TTC28: variants seen among roughly 807,000 people sequenced by gnomAD.
The protein encoded by TTC28 is tetratricopeptide repeat protein 28.
In TTC28, 61 loss-of-function variants were observed where a neutral mutation model predicts 198.0. That is an observed-to-expected ratio of 0.31 (90% confidence interval 0.25 to 0.38). The LOEUF (loss-of-function observed/expected upper bound fraction) is 0.38. TTC28 is among the 10% of genes least tolerant of loss of function. The pLI is 1.00. For missense variants in TTC28, 2,678 were observed against 3,164.0 expected (o/e 0.85, Z 3.69); for synonymous variants, 1,171 against 1,297.8 (o/e 0.90, Z 2.10).
intron 5 of TTC28, among the ~76,000 whole-genome samples, chr22:28,189,562 GA>G (rs897338070): frequency 3.0e-4 from 41 of 137,278 alleles, no homozygotes; most frequent in South Asian, 1.4e-3. Flanking sequence ...TCTACGCAAT[GA>G]AAAAAAAAAA....
At chr22:28,165,730 A>C (rs1921854911) in intron 5 of TTC28, among the ~76,000 whole-genome samples, 1 of 152,234 alleles carries the variant, frequency 6.6e-6, no homozygotes, top group African/African-American at 2.4e-5. Flanking sequence ...AAACATGCCA[A>C]ATTGCAAAGA....
At chr22:28,582,771 T>C (rs934062681) in intron 2 of TTC28, among the ~76,000 whole-genome samples, 4 of 152,324 alleles carry the variant, frequency 2.6e-5, no homozygotes, top group Admixed American at 1.3e-4. Context: ...AAAATACTTA[T>C]GTGGTCAAGT....
Position 28,673,329 on chromosome 22 carries a change from G to A in TTC28, c.102+6293C>T, listed in dbSNP as rs554561377. On this transcript the variant is annotated intron_variant, in intron 1 of 22. Transcript: ENST00000397906. The stretch of plus-strand genomic sequence containing the variant: ...GCGGAGCTTGCAGTGAGCAGAGATC[G>A]CGCCACTGCACTCCAGCCTGGGCGA... Among the ~76,000 whole-genome samples, 161 of 152,172 alleles carry A rather than the reference G, an allele frequency of 1.1e-3. 1 individual carries two copies. Among genetic ancestry groups the A allele is most frequent in the South Asian group, 1.9e-3 (9 of 4,826 alleles).
intron 1 of TTC28, among the ~76,000 whole-genome samples, chr22:28,676,881 C>T (rs1360817399): frequency 6.6e-6 from 1 of 151,900 alleles, no homozygotes; most frequent in African/African-American, 2.4e-5. Flanking sequence ...TTAGGCCAGG[C>T]GCAGTGGCTC....
At chr22:28,008,976 A>G (rs17483415) in intron 14 of TTC28, among the ~76,000 whole-genome samples, 10,848 of 152,294 alleles carry the variant, frequency 0.071, 488 homozygotes, top group Admixed American at 0.14. Flanking sequence ...ATTTGATTAA[A>G]AACTAATACC....
At chr22:28,263,493 AC>A (rs1931469150) in intron 5 of TTC28, among the ~76,000 whole-genome samples, 1 of 152,174 alleles carries the variant, frequency 6.6e-6, no homozygotes, top group Non-Finnish European at 1.5e-5. Context: ...TTAATTATAA[AC>A]ATTCAATCCT....
At chr22:28,615,350 T>C (rs1281502554) in intron 2 of TTC28, among the ~76,000 whole-genome samples, 5 of 152,228 alleles carry the variant, frequency 3.3e-5, no homozygotes, top group African/African-American at 1.2e-4. Context: ...ACACTGTTGG[T>C]GGGCTGTAAA....
chr22:28,441,023 C>T (rs2047612986), intron 2 of TTC28, among the ~76,000 whole-genome samples: 1 of 152,164 alleles, frequency 6.6e-6, no homozygotes, highest in African/African-American at 2.4e-5. Flanking sequence ...ATTATGAATA[C>T]AGTGAATAAA....
intron 1 of TTC28, among the ~76,000 whole-genome samples, chr22:28,647,647 G>A (rs1239300643): frequency 6.6e-6 from 1 of 151,788 alleles, no homozygotes; most frequent in Non-Finnish European, 1.5e-5. Context: ...AGACCATCCT[G>A]GCCAACACGG....
chr22:28,320,038 G>GT (rs2045419646), intron 2 of TTC28, among the ~76,000 whole-genome samples: 1 of 152,110 alleles, frequency 6.6e-6, no homozygotes, highest in Non-Finnish European at 1.5e-5. Flanking sequence ...TAATTCCCAT[G>GT]TTTTTGCTTC....
intron 2 of TTC28, among the ~76,000 whole-genome samples, chr22:28,429,220 G>A (rs947426275): frequency 6.6e-6 from 1 of 152,098 alleles, no homozygotes; most frequent in Non-Finnish European, 1.5e-5. Context: ...AACAGCTCTC[G>A]AGTCACTTGC....
chr22:28,676,984 A>G (rs1398819458), intron 1 of TTC28, among the ~76,000 whole-genome samples: 1 of 151,480 alleles, frequency 6.6e-6, no homozygotes, highest in Non-Finnish European at 1.5e-5. Context: ...GTGAAACCCC[A>G]TCTCTACTAA....
chr22:28,225,524 C>T (rs1601501728), intron 5 of TTC28, among the ~76,000 whole-genome samples: 1 of 152,186 alleles, frequency 6.6e-6, no homozygotes, highest in East Asian at 1.9e-4. Flanking sequence ...ACTTTTCTGC[C>T]ACGGACAAAC....
At chr22:28,062,857 A>G (rs1192058341) in intron 12 of TTC28, among the ~76,000 whole-genome samples, 3 of 152,118 alleles carry the variant, frequency 2.0e-5, no homozygotes, top group African/African-American at 7.2e-5. Flanking sequence ...TAATTGCTTT[A>G]ATATTTTTGT....
intron 2 of TTC28, among the ~76,000 whole-genome samples, chr22:28,443,541 T>C (rs1303913226): frequency 6.6e-6 from 1 of 151,998 alleles, no homozygotes; most frequent in Non-Finnish European, 1.5e-5. Flanking sequence ...ACACTGTAAA[T>C]AGGAAAACTT....
chr22:28,142,985 TCAA>T (rs1943377337), intron 6 of TTC28, among the ~76,000 whole-genome samples: 1 of 152,188 alleles, frequency 6.6e-6, no homozygotes, highest in Non-Finnish European at 1.5e-5. Context: ...GAAATGTCCT[TCAA>T]CAACAGCACT....
At chr22:28,263,475 T>C (rs896323332) in intron 5 of TTC28, among the ~76,000 whole-genome samples, 2 of 152,170 alleles carry the variant, frequency 1.3e-5, no homozygotes, top group East Asian at 3.9e-4. Context: ...AGTACATTAT[T>C]GCTTTCTTTA....
At chr22:28,249,265 G>C (rs1475564504) in intron 5 of TTC28, among the ~76,000 whole-genome samples, 1 of 151,978 alleles carries the variant, frequency 6.6e-6, no homozygotes, top group African/African-American at 2.4e-5. Flanking sequence ...TGCCCCACTG[G>C]GTAGCTCTGA....
chr22:28,060,722 A>T (rs980942422), intron 12 of TTC28, among the ~76,000 whole-genome samples: 1 of 152,216 alleles, frequency 6.6e-6, no homozygotes, highest in Non-Finnish European at 1.5e-5. Flanking sequence ...ACAGTGTAAA[A>T]GTGTTCCTAT....
Sources: gnomAD v4.1 joint callset for allele counts (sites outside exome capture counted in the v4.1 genomes callset) on GRCh38, gnomAD v4.1.1 for gene constraint, MANE v1.5 for transcripts, NCBI Gene and HGNC (gene_info 2026-07-23, HGNC 2026-07-21) for gene names.